ADRA1B: variants seen among roughly 807,000 people sequenced by gnomAD.
ADRA1B encodes alpha-1B adrenergic receptor.
ADRA1B carries 17 observed loss-of-function variants against 17.9 expected under a neutral mutation model. The observed-to-expected ratio is 0.95, with a 90% CI of 0.65 to 1.42. The LOEUF is 1.42. Among genes scored for constraint, ADRA1B ranks in the 40% most tolerant of loss-of-function variants. The pLI, the probability that ADRA1B is intolerant of heterozygous loss-of-function variation, is 0.00. For synonymous variants in ADRA1B, 366 were observed against 327.6 expected, an observed-to-expected ratio of 1.12 and a Z score of -1.27; for missense variants, 681 against 722.1, an observed-to-expected ratio of 0.94 and a Z score of 0.65.
intron 1 of ADRA1B, among the ~76,000 whole-genome samples, chr5:159,875,638 G>T (rs1753793847): frequency 6.6e-6 from 1 of 152,172 alleles, no homozygotes; most frequent in Admixed American, 6.5e-5. Flanking sequence ...TGCACAGCCA[G>T]AACCAGCTGG....
chr5:159,897,779 A>T (rs1754055279), intron 1 of ADRA1B, among the ~76,000 whole-genome samples: 1 of 152,130 alleles, frequency 6.6e-6, no homozygotes, highest in Non-Finnish European at 1.5e-5. Context: ...GGGTTACATG[A>T]TCCTGAAAGT....
intron 1 of ADRA1B, among the ~76,000 whole-genome samples, chr5:159,923,534 T>C (rs1754551597): frequency 6.6e-6 from 1 of 152,254 alleles, no homozygotes; most frequent in Non-Finnish European, 1.5e-5. Flanking sequence ...AGGTACCATT[T>C]GTTGAGAAGG....
intron 1 of ADRA1B, among the ~76,000 whole-genome samples, chr5:159,909,700 G>A (rs982962804): frequency 2.0e-5 from 3 of 152,208 alleles, no homozygotes; most frequent in Non-Finnish European, 4.4e-5. Context: ...ACTACATTCA[G>A]TTCAAGTTCT....
chr5:159,972,633 G>A lies in ADRA1B; in HGVS notation c.*141G>A, dbSNP rs986639050. Reference sequence around the variant, plus strand: ...AACCGGGGGGAGGGCCGGGGAGAGGGGCAGCTGCTTTTCTGGCAGGGGCAT... The same window carrying A: ...AACCGGGGGGAGGGCCGGGGAGAGGAGCAGCTGCTTTTCTGGCAGGGGCAT... On this transcript the variant is annotated 3_prime_UTR_variant, in exon 2 of 2. Transcript: ENST00000306675. 74 of 957,522 alleles carry A rather than the reference G, an allele frequency of 7.7e-5. No individual in the cohort carries two copies. Among genetic ancestry groups the A allele is most frequent in the Non-Finnish European group, 9.5e-5 (67 of 703,072 alleles). 59.3% of individuals were successfully genotyped at this position (957,522 alleles called of 1,614,324 possible). A position where few individuals can be genotyped will look rare whatever the true frequency, so the allele number is the denominator to read the frequency against.
intron 1 of ADRA1B, among the ~76,000 whole-genome samples, chr5:159,905,820 C>T (rs1400820240): frequency 6.6e-6 from 1 of 151,920 alleles, no homozygotes; most frequent in Admixed American, 6.6e-5. Context: ...TGAATGGAGA[C>T]ACTAGGCAAG....
chr5:159,884,381 T>A (rs903214576), intron 1 of ADRA1B, among the ~76,000 whole-genome samples: 1 of 152,206 alleles, frequency 6.6e-6, no homozygotes, highest in Non-Finnish European at 1.5e-5. Context: ...AATGCCATTA[T>A]CCAGGAAGTG....
rs1218611866 is a variant in ADRA1B at position 159,917,191 on chromosome 5, T to C, written c.286T>C (p.Phe96Leu). ...GGCCATGGCCGACCTGCTGTTGAGC[T>C]TCACCGTCCTGCCCTTCTCAGCGGC... ...NLAMADLLLS[F>L]TVLPFSAALE... The change falls in exon 1 of 2, where the codon TTC (phenylalanine) becomes CTC (leucine). Residue 96 changes from phenylalanine (F) to leucine (L), a missense_variant. Physicochemically the swap from Phe to Leu is conservative, Grantham distance 22. Transcript: ENST00000306675. The C allele has an allele frequency of 6.2e-7, 1 of 1,614,182 alleles. No homozygotes were observed. Among genetic ancestry groups the C allele is most frequent in the Non-Finnish European group, 8.5e-7 (1 of 1,180,030 alleles).
chr5:159,897,096 G>A (rs2113112859), intron 1 of ADRA1B, among the ~76,000 whole-genome samples: 2 of 152,330 alleles, frequency 1.3e-5, no homozygotes, highest in South Asian at 4.1e-4. Flanking sequence ...ACACAGCAAG[G>A]AGATGACAGA....
rs186303696 is a variant in ADRA1B at position 159,967,722 on chromosome 5, C to G, written c.950-4157C>G. 2.0e-3 allele frequency among the ~76,000 whole-genome samples: 300 copies of G among 152,310 alleles called. 7 individuals are homozygous for G. Among genetic ancestry groups the G allele is most frequent in the Admixed American group, 0.018 (282 of 15,304 alleles). ...GCCAAGGGCAAAGAATGGCCCTTGG[C>G]TTCTTCTTCTCAGAGGAATAAACAG... On this transcript the variant is annotated intron_variant, in intron 1 of 1. Coordinates refer to ENST00000306675, the MANE Select transcript of ADRA1B (RefSeq NM_000679.4).
At chr5:159,876,965 C>T (rs943219931) in intron 1 of ADRA1B, among the ~76,000 whole-genome samples, 2 of 152,168 alleles carry the variant, frequency 1.3e-5, no homozygotes, top group African/African-American at 2.4e-5. Flanking sequence ...ACCAAGGGCC[C>T]AGAATTTGTT....
chr5:159,871,756 T>C (rs1300121579), intron 1 of ADRA1B, among the ~76,000 whole-genome samples: 2 of 152,204 alleles, frequency 1.3e-5, no homozygotes, highest in African/African-American at 4.8e-5. Context: ...TTCAACCCAA[T>C]ACAAAGTCTA....
the ADRA1B span, among the ~76,000 whole-genome samples, chr5:159,989,052 C>T: frequency 6.6e-6 from 1 of 152,194 alleles, no homozygotes; most frequent in Non-Finnish European, 1.5e-5. Context: ...TGAGGAACTC[C>T]AATACTGTTT....
chr5:159,956,734 G>A (rs77685436), intron 1 of ADRA1B, among the ~76,000 whole-genome samples: 4,380 of 152,182 alleles, frequency 0.029, 212 homozygotes, highest in African/African-American at 0.1. Flanking sequence ...ATTTTATTAG[G>A]TAATGCCAGT....
intron 1 of ADRA1B, among the ~76,000 whole-genome samples, chr5:159,885,849 T>C (rs1398080164): frequency 6.6e-6 from 1 of 152,242 alleles, no homozygotes; most frequent in African/African-American, 2.4e-5. Flanking sequence ...TCTACAAGCA[T>C]TGTTGCACTT....
intron 1 of ADRA1B, among the ~76,000 whole-genome samples, chr5:159,889,639 G>A (rs1302728112): frequency 2.0e-5 from 3 of 152,184 alleles, no homozygotes; most frequent in African/African-American, 7.2e-5. Context: ...ACCATAATGG[G>A]GGTCATGCCA....
At chr5:159,925,502 A>ACCAC (rs953175652) in intron 1 of ADRA1B, among the ~76,000 whole-genome samples, 5 of 152,130 alleles carry the variant, frequency 3.3e-5, no homozygotes, top group African/African-American at 9.7e-5. Context: ...CGGATTCACC[A>ACCAC]CCACCCACCC....
chr5:159,953,021 A>G (rs1016902670), intron 1 of ADRA1B, among the ~76,000 whole-genome samples: 3 of 152,182 alleles, frequency 2.0e-5, no homozygotes, highest in East Asian at 1.9e-4. Context: ...ATGTCCTCAA[A>G]ACATGTGAAT....
chr5:159,885,519 T>C (rs1411133349), intron 1 of ADRA1B, among the ~76,000 whole-genome samples: 3 of 152,214 alleles, frequency 2.0e-5, no homozygotes, highest in African/African-American at 7.2e-5. Context: ...AGAGACATCA[T>C]TCTTCTTCCT....
At chr5:159,869,147 A>G (rs982058908) in intron 1 of ADRA1B, 3 of 152,208 alleles carry the variant, frequency 2.0e-5, no homozygotes, top group African/African-American at 7.2e-5. Context: ...CCACTATGAA[A>G]GCATTTCATT....
Sources: gnomAD v4.1 joint callset for allele counts (sites outside exome capture counted in the v4.1 genomes callset) on GRCh38, gnomAD v4.1.1 for gene constraint, MANE v1.5 for transcripts, NCBI Gene and HGNC (gene_info 2026-07-23, HGNC 2026-07-21) for gene names.